The following SLCO5A1 variants were observed in gnomAD, a reference collection of about 807,000 sequenced individuals.
The protein encoded by SLCO5A1 is solute carrier organic anion transporter family member 5A1.
Under a neutral mutation model 65.1 loss-of-function variants are expected in SLCO5A1, and 39 were observed. The ratio of observed to expected loss-of-function variants is 0.60; its 90% CI spans 0.46 to 0.78. The LOEUF (loss-of-function observed/expected upper bound fraction) is 0.78, where lower values mean the gene tolerates loss of function less well. Ranked by LOEUF, SLCO5A1 falls within the 30% of genes least tolerant of loss-of-function variation. SLCO5A1 has a pLI of 0.00. For missense variants in SLCO5A1, 1,029 were observed against 1,069.4 expected (o/e 0.96, Z 0.53); for synonymous variants, 438 against 415.7 (o/e 1.05, Z -0.65).
At chr8:69,761,965 T>C in intron 2 of SLCO5A1, 90 bp from the exon 3 acceptor site, 1 of 1,487,904 alleles carries the variant, frequency 6.7e-7, no homozygotes, top group Non-Finnish European at 9.1e-7. Context: ...CACAGACATC[T>C]CACAGTTCAA....
At chr8:69,826,209 C>G (rs1184291956) in intron 2 of SLCO5A1, among the ~76,000 whole-genome samples, 1 of 151,912 alleles carries the variant, frequency 6.6e-6, no homozygotes, top group African/African-American at 2.4e-5. Context: ...CCATTCAGGA[C>G]ATAGGCATGG....
chr8:69,823,563 C>G (rs1212841830), intron 2 of SLCO5A1, among the ~76,000 whole-genome samples: 1 of 152,176 alleles, frequency 6.6e-6, no homozygotes, highest in Non-Finnish European at 1.5e-5. Context: ...ATCAATTCAA[C>G]AAGAAGAGCT....
rs59041858 is a variant in SLCO5A1 at position 69,716,538 on chromosome 8, T to C, written c.1424-11309A>G. ...CATCTGAGTGTGAGGTGGTACCTCA[T>C]TGTGGTTTTGATTTGCATATCCGTG... is the stretch of plus-strand genomic sequence containing the variant. On this transcript the variant is annotated intron_variant, in intron 5 of 9. Transcript: ENST00000260126. Among the ~76,000 whole-genome samples, 166 of 152,338 alleles carry C rather than the reference T, an allele frequency of 1.1e-3. 3 individuals carry two copies. The East Asian group carries it at 0.031, about 28-fold the overall frequency.
chr8:69,765,401 TAC>T lies in SLCO5A1; in HGVS notation c.908-3528_908-3527del, dbSNP rs374857488. Among the ~76,000 whole-genome samples the T allele has an allele frequency of 3.2e-4, 48 of 149,478 alleles. No homozygotes were observed. The Middle Eastern group carries it at 0.01, about 32-fold the overall frequency. ...GTATGAGTATTTATATATATATATA[TAC>T]ACACACACACACACACAGAGGCACA... On this transcript the variant is annotated intron_variant, in intron 2 of 9. Coordinates refer to ENST00000260126, the MANE Select transcript of SLCO5A1 (RefSeq NM_030958.3).
chr8:69,715,716 A>G (rs904774198), intron 5 of SLCO5A1, among the ~76,000 whole-genome samples: 4 of 152,170 alleles, frequency 2.6e-5, no homozygotes, highest in Admixed American at 1.3e-4. Context: ...GAGAAACCAT[A>G]TTAATTCTGC....
chr8:69,739,482 C>CTT (rs1452733651), intron 4 of SLCO5A1, among the ~76,000 whole-genome samples: 1 of 152,002 alleles, frequency 6.6e-6, no homozygotes, highest in Non-Finnish European at 1.5e-5. Flanking sequence ...AAAAGGTAAG[C>CTT]TGTATTATTT....
chr8:69,767,099 TTC>T (rs1265790870), intron 2 of SLCO5A1, among the ~76,000 whole-genome samples: 2 of 152,222 alleles, frequency 1.3e-5, no homozygotes, highest in African/African-American at 4.8e-5. Context: ...TTCATTGGTT[TTC>T]TCTCTTGATG....
chr8:69,687,367 A>G (rs1300554958), intron 6 of SLCO5A1, among the ~76,000 whole-genome samples: 2 of 152,200 alleles, frequency 1.3e-5, no homozygotes, highest in African/African-American at 4.8e-5. Context: ...GAAGAGGACT[A>G]TATTCAAGGA....
At chr8:69,737,035 A>G (rs16936392) in intron 5 of SLCO5A1, among the ~76,000 whole-genome samples, 3,688 of 152,328 alleles carry the variant, frequency 0.024, 155 homozygotes, top group African/African-American at 0.084. Context: ...ACATATTTTA[A>G]GTCACAATTA....
chr8:69,809,965 C>G lies in SLCO5A1; in HGVS notation c.907+21802G>C, dbSNP rs565156276. Among the ~76,000 whole-genome samples the G allele has an allele frequency of 1.5e-4, 23 of 152,320 alleles. No individual in the cohort carries two copies. In the East Asian group the frequency reaches 4.2e-3, roughly 28 times the overall value. On this transcript the variant is annotated intron_variant, in intron 2 of 9. Coordinates refer to ENST00000260126, the MANE Select transcript of SLCO5A1 (RefSeq NM_030958.3). Reference sequence around the variant, plus strand: ...AACTCATGGTCATGATCACAAGTCTCACTAACACTGGACTATGCCTAACCC... The same window carrying G: ...AACTCATGGTCATGATCACAAGTCTGACTAACACTGGACTATGCCTAACCC...
intron 2 of SLCO5A1, among the ~76,000 whole-genome samples, chr8:69,803,579 G>GC (rs1819855433): frequency 6.6e-6 from 1 of 152,160 alleles, no homozygotes. Flanking sequence ...AGGGATATTA[G>GC]CATAGCGTCA....
In SLCO5A1 at chr8:69,830,997, G is replaced by C. The variant is rs28736656; in HGVS notation, c.907+770C>G. On this transcript the variant is annotated intron_variant, in intron 2 of 9. Transcript: ENST00000260126. ...GTTTTTAGATAGTGGTGCAGGTGAC[G>C]TATAAGAAAAACAGGTATGAATCCC... Among the ~76,000 whole-genome samples, 1,056 of 152,272 alleles carry C rather than the reference G, an allele frequency of 6.9e-3. 15 individuals carry two copies. Among genetic ancestry groups the C allele is most frequent in the African/African-American group, 0.024 (999 of 41,550 alleles).
At chr8:69,761,301 G>C (rs906557102) in intron 3 of SLCO5A1, 3 of 175,782 alleles carry the variant, frequency 1.7e-5, no homozygotes, top group African/African-American at 7.2e-5. Context: ...GAAAGGGCTG[G>C]AGGCTGGGGA....
chr8:69,819,854 C>A (rs1181814332), intron 2 of SLCO5A1, among the ~76,000 whole-genome samples: 1 of 152,126 alleles, frequency 6.6e-6, no homozygotes, highest in African/African-American at 2.4e-5. Context: ...CCCAGATACT[C>A]AGGGAGACTG....
At chr8:69,825,616 A>G (rs1344690350) in intron 2 of SLCO5A1, among the ~76,000 whole-genome samples, 6 of 152,214 alleles carry the variant, frequency 3.9e-5, no homozygotes, top group Non-Finnish European at 8.8e-5. Flanking sequence ...ACCACTGCTC[A>G]ATGAAATAAA....
chr8:69,697,276 G>A (rs945886694), intron 6 of SLCO5A1, among the ~76,000 whole-genome samples: 1 of 152,136 alleles, frequency 6.6e-6, no homozygotes, highest in Non-Finnish European at 1.5e-5. Flanking sequence ...TATAATCCCA[G>A]CTACTCGGGA....
At chr8:69,673,361 T>C (rs758112991) in intron 9 of SLCO5A1, 35 bp from the exon 10 acceptor site, 23 of 1,550,472 alleles carry the variant, frequency 1.5e-5, no homozygotes, top group Non-Finnish European at 7.1e-6. Flanking sequence ...TACGAAGACT[T>C]AGCACATCTT....
intron 2 of SLCO5A1, chr8:69,794,588 C>A: frequency 3.1e-6 from 1 of 323,794 alleles, no homozygotes; most frequent in Non-Finnish European, 6.3e-6. Context: ...CCTTAGATTA[C>A]CGGTTTGGAA....
intron 5 of SLCO5A1, among the ~76,000 whole-genome samples, chr8:69,710,416 C>T (rs1815186781): frequency 6.6e-6 from 1 of 152,054 alleles, no homozygotes; most frequent in African/African-American, 2.4e-5. Flanking sequence ...TAGAAACTGA[C>T]ATTTTCTGTT....
Sources: allele counts gnomAD v4.1 joint callset (sites outside exome capture counted in the v4.1 genomes callset), GRCh38; gene constraint gnomAD v4.1.1; transcripts MANE v1.5; gene names NCBI Gene and HGNC (gene_info 2026-07-23, HGNC 2026-07-21).